Variants in RDH10 observed in about 807,000 individuals in gnomAD.
RDH10 encodes retinol dehydrogenase 10 (all-trans).
In RDH10, 12 loss-of-function variants were observed where a neutral mutation model predicts 30.2. The observed-to-expected ratio is 0.40, with a 90% CI of 0.25 to 0.64. The LOEUF is 0.64. RDH10 is among the 30% of genes least tolerant of loss of function. The pLI is 0.43. For missense variants in RDH10, 268 were observed against 445.2 expected (o/e 0.60, Z 3.58); for synonymous variants, 189 against 172.2 (o/e 1.10, Z -0.76).
At chr8:73,306,504 C>A (rs1403180964) in intron 2 of RDH10, among the ~76,000 whole-genome samples, 3 of 152,242 alleles carry the variant, frequency 2.0e-5, no homozygotes, top group African/African-American at 7.2e-5. Context: ...TGAATATCCT[C>A]TTATAATCTT....
At chr8:73,319,930 G>A (rs1814736260) in intron 3 of RDH10, among the ~76,000 whole-genome samples, 1 of 152,188 alleles carries the variant, frequency 6.6e-6, no homozygotes. Flanking sequence ...TTTGTCCTCT[G>A]CATGCCTGTA....
intron 5 of RDH10, 26 bp from the exon 6 acceptor site, chr8:73,322,887 T>C: frequency 5.6e-6 from 9 of 1,614,080 alleles, no homozygotes; most frequent in Non-Finnish European, 7.6e-6. Context: ...TCAAGTTTGC[T>C]AACAGCTGTG....
chr8:73,322,867 A>C (rs547320578), intron 5 of RDH10, 46 bp from the exon 6 acceptor site: 1 of 1,613,884 alleles, frequency 6.2e-7, no homozygotes, highest in Non-Finnish European at 8.5e-7. Context: ...CCGATGTCTT[A>C]ATTGAAACTT....
chr8:73,307,974 T>C (rs890801615), intron 2 of RDH10, among the ~76,000 whole-genome samples: 1 of 152,192 alleles, frequency 6.6e-6, no homozygotes, highest in Non-Finnish European at 1.5e-5. Flanking sequence ...ACTTGCGTGT[T>C]TCTGGGCCTT....
rs1814218617 is a variant in RDH10, at chr8:73,294,706, G to C, written c.-584G>C. 1 of 370,572 alleles carries C rather than the reference G, an allele frequency of 2.7e-6. No individual in the cohort carries two copies. Among genetic ancestry groups the C allele is most frequent in the African/African-American group, 2.1e-5 (1 of 47,368 alleles). 23.0% of individuals were successfully genotyped at this position (370,572 alleles called of 1,614,324 possible). A position where few individuals can be genotyped will look rare whatever the true frequency, so the allele number is the denominator to read the frequency against. On this transcript the variant is annotated 5_prime_UTR_variant, in exon 1 of 6. Transcript: ENST00000240285. ...CAGGGCCGGGGAACGCGAGCCCTCGGGGGCAGCTGCAAGGCGTTGGGCAGC... is the reference window on the plus strand; with the variant it reads ...CAGGGCCGGGGAACGCGAGCCCTCGCGGGCAGCTGCAAGGCGTTGGGCAGC...
intron 2 of RDH10, among the ~76,000 whole-genome samples, chr8:73,304,587 T>C (rs114938403): frequency 1.0e-3 from 153 of 152,300 alleles, no homozygotes; most frequent in African/African-American, 3.6e-3. Flanking sequence ...GATTTCCACC[T>C]GCTTTTCCAG....
chr8:73,312,152 A>C (rs1355195037), intron 2 of RDH10: 2 of 152,244 alleles, frequency 1.3e-5, no homozygotes, highest in Non-Finnish European at 2.9e-5. Context: ...ACATTTTTTA[A>C]CACACTAATG....
chr8:73,315,446 T>C (rs2130375052), intron 2 of RDH10: 1 of 331,828 alleles, frequency 3.0e-6, no homozygotes, highest in Non-Finnish European at 6.2e-6. Context: ...TTTTATTTAA[T>C]TTAATACCAC....
At chr8:73,297,607 G>A (rs895487536) in intron 2 of RDH10, 178 bp downstream of exon 2, 11 of 478,842 alleles carry the variant, frequency 2.3e-5, no homozygotes, top group African/African-American at 9.3e-5. Flanking sequence ...TTTTGTCCCC[G>A]CCCACCCCCC....
intron 2 of RDH10, among the ~76,000 whole-genome samples, chr8:73,317,485 G>T (rs1263740997): frequency 6.6e-6 from 1 of 151,966 alleles, no homozygotes; most frequent in African/African-American, 2.4e-5. Context: ...TTGGGAGTGG[G>T]GTACTACATG....
intron 2 of RDH10, among the ~76,000 whole-genome samples, chr8:73,316,327 A>G (rs1320932532): frequency 1.3e-5 from 2 of 152,184 alleles, no homozygotes; most frequent in Non-Finnish European, 2.9e-5. Context: ...GCTGTTTTCT[A>G]GTTTAGATTG....
chr8:73,315,379 G>A (rs533145062), intron 2 of RDH10: 8 of 242,366 alleles, frequency 3.3e-5, no homozygotes, highest in African/African-American at 9.0e-5. Flanking sequence ...GTGTCCCCAC[G>A]TCACATTTTT....
chr8:73,315,648 C>G (rs778939121), intron 2 of RDH10: 6 of 452,014 alleles, frequency 1.3e-5, no homozygotes, highest in Non-Finnish European at 2.2e-5. Flanking sequence ...GAAGTCATTA[C>G]AGCCAACCTG....
chr8:73,308,873 TG>T (rs1183527381), intron 2 of RDH10, among the ~76,000 whole-genome samples: 3 of 152,314 alleles, frequency 2.0e-5, no homozygotes, highest in Admixed American at 2.0e-4. Context: ...CACGTGAGGT[TG>T]GGAGTAGACA....
At chr8:73,298,953 T>G (rs1357735075) in intron 2 of RDH10, among the ~76,000 whole-genome samples, 1 of 152,172 alleles carries the variant, frequency 6.6e-6, no homozygotes, top group Non-Finnish European at 1.5e-5. Context: ...TAGCTGGGAT[T>G]GCAGGCATGC....
intron 2 of RDH10, among the ~76,000 whole-genome samples, chr8:73,301,571 AAC>A (rs142871076): frequency 0.024 from 3,466 of 147,026 alleles, 121 homozygotes; most frequent in African/African-American, 0.084. Flanking sequence ...CAGCCTGGTC[AAC>A]ATGGAGAAAC....
chr8:73,311,794 G>A (rs1228987526), intron 2 of RDH10: 3 of 152,208 alleles, frequency 2.0e-5, no homozygotes, highest in East Asian at 3.8e-4. Flanking sequence ...CCAGGCTTAA[G>A]TATCTTGGGG....
intron 2 of RDH10, among the ~76,000 whole-genome samples, chr8:73,309,277 G>T (rs2130367686): frequency 6.6e-6 from 1 of 152,316 alleles, no homozygotes; most frequent in East Asian, 1.9e-4. Context: ...GTCAGGGCCG[G>T]CCAGTGAAGA....
chr8:73,295,972 G>A, intron 1 of RDH10: 1 of 333,844 alleles, frequency 3.0e-6, no homozygotes, highest in Non-Finnish European at 4.5e-6. Context: ...TGACTAGACT[G>A]AAGAAGTGTC....
Sources: allele counts gnomAD v4.1 joint callset (sites outside exome capture counted in the v4.1 genomes callset), GRCh38; gene constraint gnomAD v4.1.1; transcripts MANE v1.5; gene names NCBI Gene and HGNC (gene_info 2026-07-23, HGNC 2026-07-21).